BCL7C: variants seen among roughly 807,000 people sequenced by gnomAD.
BCL7C encodes B-cell CLL/lymphoma 7 protein family member C.
In BCL7C, 8 loss-of-function variants were observed where a neutral mutation model predicts 26.2. The ratio of observed to expected loss-of-function variants is 0.30; its 90% confidence interval spans 0.18 to 0.55. BCL7C has a LOEUF of 0.55. Among genes scored for constraint, BCL7C ranks in the 20% least tolerant of loss-of-function variants. BCL7C has a pLI of 0.93. For missense variants in BCL7C, 262 were observed against 298.5 expected, an observed-to-expected ratio of 0.88 and a Z score of 0.90; for synonymous variants, 90 against 116.5, an observed-to-expected ratio of 0.77 and a Z score of 1.47.
chr16:30,864,299 C>A (rs1477511540), intron 5 of BCL7C, among the ~76,000 whole-genome samples: 3 of 152,194 alleles, frequency 2.0e-5, no homozygotes, highest in Admixed American at 6.5e-5. Flanking sequence ...CTTGGACACT[C>A]TCTAATTGGA....
rs960421641 is a variant in BCL7C at position 30,892,680 on chromosome 16, C to T, written c.348G>A (p.Gly116=). The T allele has an allele frequency of 1.2e-6, 2 of 1,614,062 alleles. No homozygotes were observed. The highest frequency in any genetic ancestry group is 1.7e-6 in the Non-Finnish European group (2 of 1,179,976). Reference sequence around the variant, plus strand: ...CAGGGCGGCTGGGCTGGGGGGTGCCCCCAGGACTGGGCTCTGTGCCCTTTT... The same window carrying T: ...CAGGGCGGCTGGGCTGGGGGGTGCCTCCAGGACTGGGCTCTGTGCCCTTTT... ...SLQKGTEPSP[G]GTPQPSRPVS... Residue 116 remains glycine, a synonymous_variant, in exon 4 of 6, where the codon GGG becomes GGA. Transcript: ENST00000215115.
intron 5 of BCL7C, among the ~76,000 whole-genome samples, chr16:30,888,397 C>T (rs546780948): frequency 5.3e-5 from 8 of 152,240 alleles, no homozygotes; most frequent in East Asian, 1.9e-4. Context: ...AGTACAGTGG[C>T]GCGATCCTGG....
At chr16:30,840,439 A>G (rs561920482) in intron 5 of BCL7C, among the ~76,000 whole-genome samples, 2 of 152,016 alleles carry the variant, frequency 1.3e-5, no homozygotes, top group African/African-American at 4.8e-5. Flanking sequence ...ACTGGTCTCA[A>G]ACTCCTGACC....
At chr16:30,853,524 G>A (rs1371632700) in intron 5 of BCL7C, among the ~76,000 whole-genome samples, 1 of 152,134 alleles carries the variant, frequency 6.6e-6, no homozygotes, top group Admixed American at 6.6e-5. Context: ...TGTCCATGGA[G>A]GTTTGCTTGG....
intron 5 of BCL7C, among the ~76,000 whole-genome samples, chr16:30,856,959 A>G (rs144640506): frequency 2.3e-4 from 35 of 152,302 alleles, no homozygotes; most frequent in Middle Eastern, 3.4e-3. Context: ...AGCCTCTTAT[A>G]TCTCCAACTG....
At chr16:30,862,695 C>T (rs754473833) in intron 5 of BCL7C, among the ~76,000 whole-genome samples, 23 of 152,090 alleles carry the variant, frequency 1.5e-4, no homozygotes, top group Non-Finnish European at 2.6e-4. Context: ...TTGATCGTGT[C>T]CGGATAATCT....
At chr16:30,858,205 TC>T (rs2054740801) in intron 5 of BCL7C, among the ~76,000 whole-genome samples, 1 of 152,162 alleles carries the variant, frequency 6.6e-6, no homozygotes, top group African/African-American at 2.4e-5. Flanking sequence ...GTAGCCAAGA[TC>T]CTGACTCCAT....
At chr16:30,867,119 A>G (rs2054836203) in intron 5 of BCL7C, among the ~76,000 whole-genome samples, 1 of 152,208 alleles carries the variant, frequency 6.6e-6, no homozygotes, top group Non-Finnish European at 1.5e-5. Flanking sequence ...TATGCAATGT[A>G]TAGGAAATGC....
In BCL7C at chr16:30,835,343, G is replaced by C. The variant is rs187669477; in HGVS notation, c.529-195C>G. 3.0e-4 allele frequency among the ~76,000 whole-genome samples: 45 copies of C among 152,316 alleles called. No homozygotes were observed. The East Asian group carries it at 3.1e-3, about 10-fold the overall frequency. On this transcript the variant is annotated intron_variant, in intron 5 of 5. Transcript: ENST00000380317. The stretch of plus-strand genomic sequence containing the variant: ...CTTGTAGGAAACCTGTAGGACCTCA[G>C]TTTCTGAAATTAGACAGTGCTGGGT...
At chr16:30,866,296 G>T (rs191639281) in intron 5 of BCL7C, among the ~76,000 whole-genome samples, 4 of 152,310 alleles carry the variant, frequency 2.6e-5, no homozygotes, top group Admixed American at 2.0e-4. Context: ...CAAAGGGAAG[G>T]CTGGGTGCGG....
intron 5 of BCL7C, among the ~76,000 whole-genome samples, chr16:30,842,599 C>T (rs1214504808): frequency 2.0e-5 from 3 of 152,186 alleles, no homozygotes; most frequent in East Asian, 1.9e-4. Context: ...AACAGAGTCT[C>T]GCTCTGTCAC....
At chr16:30,851,592 A>C in intron 5 of BCL7C, 1 of 422,734 alleles carries the variant, frequency 2.4e-6, no homozygotes, top group Admixed American at 3.2e-5. Flanking sequence ...ATGGAGAATA[A>C]CTGGGCCCTT....
Position 30,892,597 on chromosome 16 carries a change from C to A in BCL7C, c.431G>T (p.Gly144Val). 1 of 1,567,350 alleles carries A rather than the reference C, an allele frequency of 6.4e-7. No homozygotes were observed. Residue 144 changes from glycine (G) to valine (V), a missense_variant, in exon 4 of 6, where the codon GGC (glycine) becomes GTC (valine). Gly to Val is a moderately radical substitution (Grantham distance 109). Coordinates refer to ENST00000215115, the MANE Select transcript of BCL7C (RefSeq NM_004765.4). ...GTACCTGGTCCTACCTCTCTCTTGG[C>A]CCAGCCGTGGGGGCTGAGCCTCCTC... ...VPEEAQPPRLGQERDPGGITA... is the reference protein window; with the variant it reads ...VPEEAQPPRLVQERDPGGITA...
downstream of BCL7C, chr16:30,887,723 C>A: frequency 3.7e-6 from 5 of 1,353,728 alleles, no homozygotes; most frequent in Non-Finnish European, 4.9e-6. Flanking sequence ...CACATCTGAG[C>A]AATGGTGCAT....
intron 5 of BCL7C, among the ~76,000 whole-genome samples, chr16:30,868,799 A>G (rs1474833928): frequency 1.3e-5 from 2 of 152,028 alleles, no homozygotes; most frequent in Non-Finnish European, 2.9e-5. Context: ...CAAAACAAAA[A>G]ACAACAGCAA....
chr16:30,873,496 A>T (rs896742851), intron 5 of BCL7C, among the ~76,000 whole-genome samples: 2 of 152,160 alleles, frequency 1.3e-5, no homozygotes, highest in African/African-American at 4.8e-5. Context: ...TGTACACTTT[A>T]AATGGGTGAG....
At chr16:30,836,429 C>T (rs913801339) in intron 5 of BCL7C, among the ~76,000 whole-genome samples, 4 of 151,116 alleles carry the variant, frequency 2.6e-5, no homozygotes, top group South Asian at 2.1e-4. Flanking sequence ...CTTATGATCA[C>T]GCTGCTGCAC....
intron 5 of BCL7C, among the ~76,000 whole-genome samples, chr16:30,861,396 G>C (rs550105664): frequency 1.3e-5 from 2 of 152,134 alleles, no homozygotes; most frequent in Non-Finnish European, 2.9e-5. Flanking sequence ...GCAGCCAGGC[G>C]TTCCTCCAGG....
At chr16:30,892,499 G>T in intron 4 of BCL7C, 87 bp downstream of exon 4, 1 of 1,383,318 alleles carries the variant, frequency 7.2e-7, no homozygotes, top group Non-Finnish European at 9.7e-7. Flanking sequence ...ACAAGACGGG[G>T]AGCAGGTATA....
Sources: gnomAD v4.1 joint callset for allele counts (sites outside exome capture counted in the v4.1 genomes callset) on GRCh38, gnomAD v4.1.1 for gene constraint, MANE v1.5 for transcripts, NCBI Gene and HGNC (gene_info 2026-07-23, HGNC 2026-07-21) for gene names.